Variants in VPS53 observed in about 807,000 individuals in gnomAD.
The protein encoded by VPS53 is vacuolar protein sorting-associated protein 53 homolog.
In VPS53, 70 loss-of-function variants were observed where a neutral mutation model predicts 107.0. The observed-to-expected ratio is 0.65, with a 90% CI of 0.54 to 0.80. The LOEUF (loss-of-function observed/expected upper bound fraction) is 0.80, where lower values mean the gene tolerates loss of function less well. Ranked by LOEUF, VPS53 falls within the 30% of genes least tolerant of loss-of-function variation. The probability of loss-of-function intolerance (pLI) is 0.00; values close to 1 mark genes in which losing one functional copy is unlikely to be tolerated. For missense variants in VPS53, 917 were observed against 1,049.4 expected (o/e 0.87, Z 1.74); for synonymous variants, 409 against 393.3 (o/e 1.04, Z -0.47).
chr17:527,032 ATTTC>A (rs970443179), intron 19 of VPS53, among the ~76,000 whole-genome samples: 1 of 152,220 alleles, frequency 6.6e-6, no homozygotes, highest in African/African-American at 2.4e-5. Context: ...CACATGTTCT[ATTTC>A]TTTTTCTTTT....
Position 519,323 on chromosome 17 carries a change from C to G in VPS53, c.2329-25G>C. 1 of 1,454,440 alleles carries G rather than the reference C, an allele frequency of 6.9e-7. No homozygotes were observed. Among genetic ancestry groups the G allele is most frequent in the Non-Finnish European group, 9.1e-7 (1 of 1,101,688 alleles). 90.1% of individuals were successfully genotyped at this position (1,454,440 alleles called of 1,614,324 possible). ...CCTGAGGTTGAGAGAGAAACAGAAC[C>G]GTCACGAAGTCTGGGCCAGAATGGC... On this transcript the variant is annotated intron_variant, in intron 21 of 21. Transcript: ENST00000437048. The surrounding 1 kb of genome is among the most constrained non-coding windows in gnomAD (Gnocchi z 5.0).
rs1908754490 is a variant in VPS53, at chr17:521,610, C to G, written c.2214G>C (p.Met738Ile). 1.3e-6 allele frequency: 2 copies of G among 1,543,976 alleles called. No individual in the cohort carries two copies. Among genetic ancestry groups the G allele is most frequent in the Admixed American group, 4.0e-5 (2 of 49,938 alleles). ...TAACACAAGCCATCACCTTGAGGATCATCTCAGCCCGGGTCATGCCTTTGA... is the reference window on the plus strand; with the variant it reads ...TAACACAAGCCATCACCTTGAGGATGATCTCAGCCCGGGTCATGCCTTTGA... ...IVVKGMTRAEMILKVVMAPHE... is the reference protein window; with the variant it reads ...IVVKGMTRAEIILKVVMAPHE... The change falls in exon 20 of 22, where the codon ATG (methionine) becomes ATC (isoleucine). Residue 738 changes from methionine to isoleucine, a missense_variant. Transcript: ENST00000437048.
chr17:587,858 G>C (rs533529339), intron 12 of VPS53, among the ~76,000 whole-genome samples: 2 of 152,166 alleles, frequency 1.3e-5, no homozygotes, highest in East Asian at 3.9e-4. Flanking sequence ...ACTTTATTGA[G>C]GTATGATTGA....
intron 11 of VPS53, among the ~76,000 whole-genome samples, chr17:610,312 A>G (rs1445570872): frequency 1.3e-5 from 2 of 152,180 alleles, no homozygotes; most frequent in Non-Finnish European, 2.9e-5. Context: ...TAGTTGAGAA[A>G]CAACTTAAGC....
intron 13 of VPS53, among the ~76,000 whole-genome samples, chr17:582,093 C>T (rs1288314973): frequency 1.3e-5 from 2 of 150,124 alleles, no homozygotes; most frequent in Non-Finnish European, 3.0e-5. Context: ...GCCTTCAAAC[C>T]TAATGCGTTC....
At chr17:577,498 T>C (rs1170610061) in intron 13 of VPS53, among the ~76,000 whole-genome samples, 1 of 151,672 alleles carries the variant, frequency 6.6e-6, no homozygotes, top group Non-Finnish European at 1.5e-5. Context: ...CCTAATGCGG[T>C]CCCAGAGAAC....
intron 13 of VPS53, among the ~76,000 whole-genome samples, chr17:573,065 G>A (rs1407531427): frequency 1.4e-4 from 22 of 152,284 alleles, no homozygotes; most frequent in African/African-American, 5.1e-4. Context: ...ATCAACAATG[G>A]TAATTAGTTT....
intron 11 of VPS53, among the ~76,000 whole-genome samples, chr17:616,859 G>C (rs940977843): frequency 5.3e-5 from 8 of 152,204 alleles, no homozygotes; most frequent in African/African-American, 1.9e-4. Context: ...GGCCTTTGGG[G>C]GATTTTTCCT....
At chr17:633,855 G>A (rs75695395) in intron 7 of VPS53, among the ~76,000 whole-genome samples, 3 of 152,134 alleles carry the variant, frequency 2.0e-5, no homozygotes, top group African/African-American at 7.2e-5. Flanking sequence ...CTTGTGATGC[G>A]CACACGAGGA....
chr17:534,502 G>C (rs1909867599), intron 18 of VPS53, among the ~76,000 whole-genome samples: 1 of 152,162 alleles, frequency 6.6e-6, no homozygotes, highest in African/African-American at 2.4e-5. Flanking sequence ...AGTAAACAAG[G>C]GGCTATTTGG....
intron 10 of VPS53, among the ~76,000 whole-genome samples, chr17:624,671 A>G (rs1969615328): frequency 6.6e-6 from 1 of 152,210 alleles, no homozygotes; most frequent in Non-Finnish European, 1.5e-5. Context: ...TGGCGCTCAC[A>G]AGAAACGTGC....
At chr17:575,532 T>A (rs1914524198) in intron 13 of VPS53, among the ~76,000 whole-genome samples, 1 of 150,046 alleles carries the variant, frequency 6.7e-6, no homozygotes, top group Non-Finnish European at 1.5e-5. Flanking sequence ...CCTCAGAACC[T>A]AATGTGTTCC....
Position 661,898 on chromosome 17 carries a change from A to C in VPS53, c.286-3T>G. 1 of 1,551,398 alleles carries C rather than the reference A, an allele frequency of 6.4e-7. No individual in the cohort carries two copies. Among genetic ancestry groups the C allele is most frequent in the Non-Finnish European group, 8.7e-7 (1 of 1,146,836 alleles). On this transcript the variant is annotated splice_polypyrimidine_tract_variant and splice_region_variant and intron_variant, in intron 4 of 21. Transcript: ENST00000437048. ...GCTTTCTGAGCCTCTTCAAGCGCCT[A>C]GAGTAAGGGAAATACATGAAAAACA...
At position 517,114 on chromosome 17, in the gene VPS53, C is replaced by T. The variant is rs1908366542; in HGVS notation, c.*2014G>A. 1 of 235,390 alleles carries T rather than the reference C, an allele frequency of 4.2e-6. No individual in the cohort carries two copies. The highest frequency in any genetic ancestry group is 8.1e-6 in the Non-Finnish European group (1 of 122,832). The allele number at this position is 235,390 out of a possible 1,614,324, so 14.6% of individuals were successfully genotyped here. On this transcript the variant is annotated 3_prime_UTR_variant, in exon 22 of 22. Transcript: ENST00000437048. ...TCAGGCTGCTTAACCATAGCAACTC[C>T]ATGGGCTGGGGTGGGGGCATCTACA... is the stretch of plus-strand genomic sequence containing the variant.
chr17:655,987 G>C (rs1971173646), intron 5 of VPS53, 34 bp from the exon 6 acceptor site: 1 of 1,579,816 alleles, frequency 6.3e-7, no homozygotes, highest in African/African-American at 1.4e-5. Flanking sequence ...AAGAAAGGAA[G>C]ACGGTCAAGA....
At chr17:697,188 A>G (rs1027696118) in intron 4 of VPS53, among the ~76,000 whole-genome samples, 4 of 152,244 alleles carry the variant, frequency 2.6e-5, no homozygotes, top group African/African-American at 9.6e-5. Flanking sequence ...AGGAAGCCCC[A>G]GTGTTCTCAT....
chr17:571,764 C>T (rs1029073041), intron 13 of VPS53, among the ~76,000 whole-genome samples: 6 of 152,256 alleles, frequency 3.9e-5, no homozygotes, highest in African/African-American at 1.4e-4. Context: ...GGGCTGGTCT[C>T]CAGCTCCTAA....
At chr17:663,414 C>T (rs1320017736) in intron 4 of VPS53, among the ~76,000 whole-genome samples, 1 of 152,050 alleles carries the variant, frequency 6.6e-6, no homozygotes, top group South Asian at 2.1e-4. Context: ...TGCACTGGAC[C>T]GTCCGTGAGT....
chr17:579,217 C>A (rs930239957), intron 13 of VPS53, among the ~76,000 whole-genome samples: 48 of 146,456 alleles, frequency 3.3e-4, no homozygotes, highest in Non-Finnish European at 4.2e-4. Context: ...CCCAGAGAAC[C>A]TCCCTCAGAA....
Sources: gnomAD v4.1 joint callset for allele counts (sites outside exome capture counted in the v4.1 genomes callset) on GRCh38, gnomAD v4.1.1 for gene constraint, Gnocchi (gnomAD v3.1) non-coding constraint, MANE v1.5 for transcripts, NCBI Gene and HGNC (gene_info 2026-07-23, HGNC 2026-07-21) for gene names.